EPS15: variants seen among roughly 807,000 people sequenced by gnomAD.
EPS15 encodes epidermal growth factor receptor substrate 15.
A neutral mutation model predicts 113.8 loss-of-function variants in EPS15; 72 were observed. The observed-to-expected ratio is 0.63, with a 90% CI of 0.52 to 0.77. The LOEUF is 0.77. Ranked by LOEUF, EPS15 falls within the 30% of genes least tolerant of loss-of-function variation. The pLI, the probability that EPS15 is intolerant of heterozygous loss-of-function variation, is 0.00. For missense variants in EPS15, 1,048 were observed against 1,045.8 expected (o/e 1.00, Z -0.03); for synonymous variants, 344 against 363.4 (o/e 0.95, Z 0.61).
chr1:51,402,891 T>G (rs963709992), intron 17 of EPS15, among the ~76,000 whole-genome samples: 1 of 152,080 alleles, frequency 6.6e-6, no homozygotes, highest in Non-Finnish European at 1.5e-5. Context: ...GGTGACAGAG[T>G]GAGACTTGGT....
intron 1 of EPS15, among the ~76,000 whole-genome samples, chr1:51,501,694 C>T (rs1371393834): frequency 6.6e-6 from 1 of 151,932 alleles, no homozygotes; most frequent in Non-Finnish European, 1.5e-5. Context: ...GGCCAGGCTG[C>T]TCTCAAACTC....
At chr1:51,417,768 A>G (rs1361950730) in intron 13 of EPS15, among the ~76,000 whole-genome samples, 6 of 152,252 alleles carry the variant, frequency 3.9e-5, no homozygotes, top group African/African-American at 1.2e-4. Flanking sequence ...ATTCTGGACT[A>G]TAACAACAAA....
chr1:51,430,162 G>C (rs918621209), intron 12 of EPS15, among the ~76,000 whole-genome samples: 1 of 152,264 alleles, frequency 6.6e-6, no homozygotes, highest in African/African-American at 2.4e-5. Context: ...CTTATCTTAG[G>C]AACTGTCAGA....
chr1:51,430,031 T>C (rs1312429870), intron 12 of EPS15, among the ~76,000 whole-genome samples: 1 of 152,118 alleles, frequency 6.6e-6, no homozygotes, highest in Non-Finnish European at 1.5e-5. Context: ...CGAATGGCAT[T>C]ATTTAGCAAC....
chr1:51,412,298 C>G (rs961807699), intron 13 of EPS15, among the ~76,000 whole-genome samples: 1 of 152,122 alleles, frequency 6.6e-6, no homozygotes, highest in Non-Finnish European at 1.5e-5. Flanking sequence ...ATGGGTGCAG[C>G]CAACCACCAT....
intron 5 of EPS15, among the ~76,000 whole-genome samples, chr1:51,467,963 A>AC (rs1230467773): frequency 6.6e-6 from 1 of 151,828 alleles, no homozygotes; most frequent in Admixed American, 6.6e-5. Flanking sequence ...GTATTTATAT[A>AC]TATATATTTT....
In EPS15 at chr1:51,403,477, G is replaced by A; in HGVS notation, c.1733C>T (p.Thr578Ile). The A allele has an allele frequency of 6.2e-7, 1 of 1,610,298 alleles. No individual in the cohort carries two copies. Among genetic ancestry groups the A allele is most frequent in the Non-Finnish European group, 8.5e-7 (1 of 1,178,292 alleles). The part of the protein sequence containing the change: ...PSGVTDENEV[T>I]TAVTEKVCSE... ...ACAAACTTTTTCAGTAACAGCTGTA[G>A]TCACCTCATTTTCATCAGTCACACC... Residue 578 changes from threonine to isoleucine, a missense_variant, in exon 17 of 25, where the codon ACT becomes ATT. Thr to Ile is a moderately conservative substitution (Grantham distance 89). Coordinates refer to ENST00000371733, the MANE Select transcript of EPS15 (RefSeq NM_001981.3).
chr1:51,400,807 C>T, intron 19 of EPS15, 111 bp downstream of exon 19: 1 of 519,356 alleles, frequency 1.9e-6, no homozygotes, highest in Non-Finnish European at 3.4e-6. Context: ...TCTGAAAATG[C>T]CAGGCACATA....
At position 51,354,389 on chromosome 1, in the gene EPS15, T is replaced by C. The variant is rs1254973250; in HGVS notation, c.*2311A>G. ...CAGCATGGACATAATCAGAGAACCA[T>C]GCAAAACTCAATTGCAAATTGGATA... On this transcript the variant is annotated 3_prime_UTR_variant, in exon 25 of 25. Coordinates refer to ENST00000371733, the MANE Select transcript of EPS15 (RefSeq NM_001981.3). The C allele has an allele frequency of 5.5e-6, 1 of 180,402 alleles. No individual in the cohort carries two copies. The highest frequency in any genetic ancestry group is 1.2e-5 in the Non-Finnish European group (1 of 84,320). 11.2% of individuals were successfully genotyped at this position (180,402 alleles called of 1,614,324 possible). A position where few individuals can be genotyped will look rare whatever the true frequency, so the allele number is the denominator to read the frequency against.
chr1:51,458,409 G>A (rs1654175802), intron 8 of EPS15: 1 of 253,384 alleles, frequency 3.9e-6, no homozygotes, highest in Non-Finnish European at 8.2e-6. Context: ...TTTATCAAAT[G>A]ATGACACTAC....
chr1:51,464,426 G>T (rs1389786915), intron 6 of EPS15, among the ~76,000 whole-genome samples: 1 of 151,902 alleles, frequency 6.6e-6, no homozygotes, highest in Admixed American at 6.6e-5. Context: ...ACTTTTAGTA[G>T]ACACGGGGTT....
In EPS15 at chr1:51,515,314, A is replaced by C. The variant is rs116826103; in HGVS notation, c.33+3885T>G. ...AGTGAGTCCCTGTCTCTACAAAAAA[A>C]TTTTAAAAATTAGCTGGGCATGGCG... On this transcript the variant is annotated intron_variant, in intron 1 of 24. Transcript: ENST00000371733. Among the ~76,000 whole-genome samples the C allele has an allele frequency of 9.3e-3, 1,418 of 152,182 alleles. 23 individuals are homozygous for C. The highest frequency in any genetic ancestry group is 0.033 in the African/African-American group (1,350 of 41,514).
intron 8 of EPS15, chr1:51,458,731 C>A (rs556937768): frequency 2.9e-5 from 6 of 204,152 alleles, no homozygotes; most frequent in East Asian, 3.5e-4. Flanking sequence ...AGTGAGACTC[C>A]GTCTAAAAAA....
intron 1 of EPS15, among the ~76,000 whole-genome samples, chr1:51,513,623 CATGAATTTATATTGGT>C (rs1644664996): frequency 2.0e-5 from 3 of 152,066 alleles, no homozygotes; most frequent in Admixed American, 2.0e-4. Context: ...TTTTTTTAAC[CATGAATTTATATTGGT>C]TTTTTAATTT....
intron 1 of EPS15, among the ~76,000 whole-genome samples, chr1:51,501,995 G>A (rs1644422639): frequency 6.6e-6 from 1 of 152,166 alleles, no homozygotes; most frequent in East Asian, 1.9e-4. Context: ...GCCAAGTGAG[G>A]TGGCTCATGC....
chr1:51,448,069 C>G lies in EPS15; in HGVS notation c.628G>C (p.Val210Leu), dbSNP rs770502295. 218 of 1,613,526 alleles carry G rather than the reference C, an allele frequency of 1.4e-4. No homozygotes were observed. Among genetic ancestry groups the G allele is most frequent in the Non-Finnish European group, 1.8e-4 (215 of 1,179,728 alleles). ...ACCGTTTTTCTCTTAGATGGTGGCA[C>G]CAAGGCTGGAGGCAAGGACATTGGC... is the stretch of plus-strand genomic sequence containing the variant. ...PVPMSLPPAL[V>L]PPSKRKTWVV... Residue 210 changes from valine (V) to leucine (L), a missense_variant, in exon 9 of 25, where the codon GTG (valine) becomes CTG (leucine). Transcript: ENST00000371733.
In EPS15 at chr1:51,395,698, T is replaced by C. The variant is rs181557040; in HGVS notation, c.2053-1251A>G. Among the ~76,000 whole-genome samples the C allele has an allele frequency of 5.5e-3, 844 of 152,360 alleles. 4 individuals are homozygous for C. Among genetic ancestry groups the C allele is most frequent in the Non-Finnish European group, 9.5e-3 (647 of 68,032 alleles). On this transcript the variant is annotated intron_variant, in intron 20 of 24. Coordinates refer to ENST00000371733, the MANE Select transcript of EPS15 (RefSeq NM_001981.3). ...TCTTCCTACTTTATACTTTAGTTTT[T>C]AATCATAGTCAAACAAATTGTATAT...
At chr1:51,486,459 C>T (rs1644124814) in intron 1 of EPS15, among the ~76,000 whole-genome samples, 1 of 149,840 alleles carries the variant, frequency 6.7e-6, no homozygotes, top group Non-Finnish European at 1.5e-5. Flanking sequence ...TAGAGAAGGC[C>T]TACAATTTTG....
intron 2 of EPS15, among the ~76,000 whole-genome samples, chr1:51,480,654 G>A (rs1026721306): frequency 4.6e-5 from 7 of 152,052 alleles, no homozygotes; most frequent in African/African-American, 1.4e-4. Context: ...GGTGGGATTA[G>A]AGGCATGCAC....
Sources: allele counts gnomAD v4.1 joint callset (sites outside exome capture counted in the v4.1 genomes callset), GRCh38; gene constraint gnomAD v4.1.1; transcripts MANE v1.5; gene names NCBI Gene and HGNC (gene_info 2026-07-23, HGNC 2026-07-21).